Variants in BCL7C observed in about 807,000 individuals in gnomAD.
The protein encoded by BCL7C is BAF chromatin remodeling complex subunit BCL7C, also known as B-cell CLL/lymphoma 7 protein family member C.
In BCL7C, 8 loss-of-function variants were observed where a neutral mutation model predicts 26.2. That is an observed-to-expected ratio of 0.30 (90% confidence interval 0.18 to 0.55). The LOEUF is 0.55. Among genes scored for constraint, BCL7C ranks in the 20% least tolerant of loss-of-function variants. BCL7C has a pLI of 0.93. For missense variants in BCL7C, 262 were observed against 298.5 expected (o/e 0.88, Z 0.90); for synonymous variants, 90 against 116.5 (o/e 0.77, Z 1.47).
At chr16:30,842,203 A>ATATGT (rs1226607021) in intron 5 of BCL7C, among the ~76,000 whole-genome samples, 37 of 152,300 alleles carry the variant, frequency 2.4e-4, no homozygotes, top group African/African-American at 7.5e-4. Flanking sequence ...ATACAAAGTG[A>ATATGT]AGACCATGTA....
At chr16:30,845,433 A>G (rs977904771) in intron 5 of BCL7C, among the ~76,000 whole-genome samples, 3 of 152,172 alleles carry the variant, frequency 2.0e-5, no homozygotes, top group Non-Finnish European at 4.4e-5. Context: ...TGATCCTTGC[A>G]CTGGCAAAGC....
intron 5 of BCL7C, among the ~76,000 whole-genome samples, chr16:30,842,504 T>C (rs1462710621): frequency 6.6e-6 from 1 of 152,196 alleles, no homozygotes; most frequent in Non-Finnish European, 1.5e-5. Flanking sequence ...TAAAGAAAAG[T>C]TACAGCCCAT....
intron 5 of BCL7C, among the ~76,000 whole-genome samples, chr16:30,877,687 C>T (rs1257746746): frequency 6.6e-6 from 1 of 151,988 alleles, no homozygotes; most frequent in Non-Finnish European, 1.5e-5. Context: ...GATCCACCCG[C>T]CTCGGCCTCC....
intron 5 of BCL7C, among the ~76,000 whole-genome samples, chr16:30,835,981 G>A (rs1410698315): frequency 6.6e-6 from 1 of 151,952 alleles, no homozygotes; most frequent in Non-Finnish European, 1.5e-5. Flanking sequence ...GGCCAGGCGT[G>A]GTGGCTCACG....
intron 5 of BCL7C, among the ~76,000 whole-genome samples, chr16:30,843,054 T>G (rs892152684): frequency 3.3e-5 from 5 of 152,244 alleles, no homozygotes; most frequent in African/African-American, 1.2e-4. Context: ...TCCCTGGCCA[T>G]CCAGCCAAAT....
chr16:30,845,101 C>T (rs1387877707), intron 5 of BCL7C, among the ~76,000 whole-genome samples: 1 of 152,184 alleles, frequency 6.6e-6, no homozygotes, highest in Non-Finnish European at 1.5e-5. Flanking sequence ...CCACAAATCC[C>T]ATACCACATG....
chr16:30,861,274 T>C (rs1024425685), intron 5 of BCL7C, among the ~76,000 whole-genome samples: 27 of 151,874 alleles, frequency 1.8e-4, no homozygotes, highest in Non-Finnish European at 3.7e-4. Context: ...AATAATAGAG[T>C]AGAGGCAGCC....
At chr16:30,854,552 G>T (rs540994379) in intron 5 of BCL7C, among the ~76,000 whole-genome samples, 1 of 152,212 alleles carries the variant, frequency 6.6e-6, no homozygotes, top group Admixed American at 6.5e-5. Flanking sequence ...ATGGATGAAA[G>T]TTCTCTTAGG....
At chr16:30,879,202 G>A (rs2055001385) in intron 5 of BCL7C, among the ~76,000 whole-genome samples, 1 of 152,148 alleles carries the variant, frequency 6.6e-6, no homozygotes, top group Admixed American at 6.5e-5. Context: ...GGGCAAACAG[G>A]GATGCTTGGT....
chr16:30,893,566 C>G lies in BCL7C; in HGVS notation c.93-276G>C, dbSNP rs1483204655. 1.3e-5 allele frequency among the ~76,000 whole-genome samples: 2 copies of G among 152,020 alleles called. No individual in the cohort carries two copies. The highest frequency in any genetic ancestry group is 2.4e-5 in the African/African-American group (1 of 41,376). ...CGTGGCTATGGGCCTGGCCCGGGAT[C>G]AGAGCCCTGCAGATCCTGGGGCGCA... On this transcript the variant is annotated intron_variant, in intron 1 of 5. Transcript: ENST00000215115. The surrounding 1 kb of genome is among the most constrained non-coding windows in gnomAD (Gnocchi z 5.2).
At chr16:30,888,333 C>CTTTA (rs1025363608) in intron 5 of BCL7C, among the ~76,000 whole-genome samples, 3 of 151,982 alleles carry the variant, frequency 2.0e-5, no homozygotes, top group Non-Finnish European at 4.4e-5. Flanking sequence ...TTTTGTCAGG[C>CTTTA]TTTATTTATT....
intron 5 of BCL7C, among the ~76,000 whole-genome samples, chr16:30,840,943 G>A (rs544114009): frequency 1.3e-5 from 2 of 152,102 alleles, no homozygotes; most frequent in Non-Finnish European, 2.9e-5. Flanking sequence ...TTACAATGGG[G>A]ACTATAATTC....
intron 5 of BCL7C, among the ~76,000 whole-genome samples, chr16:30,844,774 G>T (rs2054624203): frequency 6.6e-6 from 1 of 152,140 alleles, no homozygotes; most frequent in African/African-American, 2.4e-5. Context: ...TCAATCAGTT[G>T]TCTCAGCTCT....
chr16:30,835,840 C>A (rs866246198), intron 5 of BCL7C, among the ~76,000 whole-genome samples: 1 of 151,176 alleles, frequency 6.6e-6, no homozygotes, highest in Admixed American at 6.6e-5. Flanking sequence ...AGTGAGACTC[C>A]GTCTGAAGAA....
chr16:30,857,629 A>G (rs1251229495), intron 5 of BCL7C, among the ~76,000 whole-genome samples: 1 of 152,088 alleles, frequency 6.6e-6, no homozygotes, highest in Non-Finnish European at 1.5e-5. Context: ...TTAAAACACC[A>G]CAAAACTCAC....
intron 5 of BCL7C, among the ~76,000 whole-genome samples, chr16:30,876,368 G>A (rs2054949848): frequency 6.6e-6 from 1 of 152,208 alleles, no homozygotes; most frequent in Admixed American, 6.5e-5. Flanking sequence ...ATTGATCACA[G>A]GACCTCAGGG....
At chr16:30,844,436 A>G (rs944866356) in intron 5 of BCL7C, among the ~76,000 whole-genome samples, 1 of 151,792 alleles carries the variant, frequency 6.6e-6, no homozygotes, top group East Asian at 1.9e-4. Context: ...AAGATACTGT[A>G]TCTGGGAACA....
At position 30,892,954 on chromosome 16, in the gene BCL7C, G is replaced by T; in HGVS notation, c.172-6C>A. On this transcript the variant is annotated splice_polypyrimidine_tract_variant and splice_region_variant and intron_variant, in intron 2 of 5. Transcript: ENST00000215115. ...CCACCTGCCCGCCTTCGCTCCTGGG[G>T]GTTAGAGGATTAGGGTCAGAGCTCT... is the stretch of plus-strand genomic sequence containing the variant. 4 of 1,611,164 alleles carry T rather than the reference G, an allele frequency of 2.5e-6. No individual in the cohort carries two copies. The highest frequency in any genetic ancestry group is 3.4e-6 in the Non-Finnish European group (4 of 1,178,826).
At chr16:30,861,529 A>C (rs897605032) in intron 5 of BCL7C, among the ~76,000 whole-genome samples, 2 of 152,086 alleles carry the variant, frequency 1.3e-5, no homozygotes, top group Non-Finnish European at 1.5e-5. Context: ...TGGAAATTAG[A>C]CTGTCCAACT....
Sources: gnomAD v4.1 joint callset for allele counts (sites outside exome capture counted in the v4.1 genomes callset) on GRCh38, gnomAD v4.1.1 for gene constraint, Gnocchi (gnomAD v3.1) non-coding constraint, MANE v1.5 for transcripts, NCBI Gene and HGNC (gene_info 2026-07-23, HGNC 2026-07-21) for gene names.